PCNT: variants seen among roughly 807,000 people sequenced by gnomAD.
The protein encoded by PCNT is pericentrin.
A neutral mutation model predicts 380.4 loss-of-function variants in PCNT; 319 were observed. The ratio of observed to expected loss-of-function variants is 0.84; its 90% CI spans 0.77 to 0.92. PCNT has a LOEUF of 0.92. Among genes scored for constraint, PCNT ranks in the 40% least tolerant of loss-of-function variants. The probability of loss-of-function intolerance (pLI) is 0.00; values close to 1 mark genes in which losing one functional copy is unlikely to be tolerated. For missense variants in PCNT, 4,400 were observed against 4,255.3 expected, an observed-to-expected ratio of 1.03 and a Z score of -0.95; for synonymous variants, 1,845 against 1,735.2, an observed-to-expected ratio of 1.06 and a Z score of -1.57.
At chr21:46,442,821 T>C (rs2053646596) in intron 44 of PCNT, 1 of 570,746 alleles carries the variant, frequency 1.8e-6, no homozygotes, top group Non-Finnish European at 3.1e-6. Context: ...AGATGCTCAA[T>C]ATATTGATTA....
chr21:46,421,875 GCGGGC>G, intron 31 of PCNT, 90 bp from the exon 32 acceptor site: 1 of 1,376,618 alleles, frequency 7.3e-7, no homozygotes, highest in Non-Finnish European at 1.0e-6. Context: ...GCTGGGGACT[GCGGGC>G]CGATCACCCC....
At chr21:46,415,365 A>ATTTTTTTTT (rs35983555) in intron 29 of PCNT, among the ~76,000 whole-genome samples, 1 of 65,282 alleles carries the variant, frequency 1.5e-5, no homozygotes, top group Non-Finnish European at 2.6e-5. Flanking sequence ...GTTTCTTTGA[A>ATTTTTTTTT]TTTTTTTTTT....
At position 46,411,822 on chromosome 21, in the gene PCNT, C is replaced by T; in HGVS notation, c.5749C>T (p.Pro1917Ser). 1 of 1,575,356 alleles carries T rather than the reference C, an allele frequency of 6.3e-7. No individual in the cohort carries two copies. The highest frequency in any genetic ancestry group is 8.6e-7 in the Non-Finnish European group (1 of 1,165,634). The change falls in exon 28 of 47, where the codon CCC (proline) becomes TCC (serine). Residue 1917 changes from proline (P) to serine (S), a missense_variant. Coordinates refer to ENST00000359568, the MANE Select transcript of PCNT (RefSeq NM_006031.6). Reference sequence around the variant, plus strand: ...GCCCCTGGCAGCCGGGGCGGCGCCTCCCGAGCTGCAGTGGCTCCGAGCGCA... The same window carrying T: ...GCCCCTGGCAGCCGGGGCGGCGCCTTCCGAGCTGCAGTGGCTCCGAGCGCA... ...QQPLAAGAAP[P>S]ELQWLRAQCA...
At chr21:46,402,581 C>A in intron 27 of PCNT, 98 bp downstream of exon 27, 1 of 1,304,422 alleles carries the variant, frequency 7.7e-7, no homozygotes, top group Non-Finnish European at 1.1e-6. Flanking sequence ...AGTCTCTGGT[C>A]TTCACAGACG....
chr21:46,432,044 T>C lies in PCNT; in HGVS notation c.8580T>C (p.Ser2860=), dbSNP rs2087786560. 1 of 1,613,896 alleles carries C rather than the reference T, an allele frequency of 6.2e-7. No individual in the cohort carries two copies. The highest frequency in any genetic ancestry group is 8.5e-7 in the Non-Finnish European group (1 of 1,180,016). ...LHTQKRELRC[S]LEREREKPAW... ...CCCAAAAACGAGAGCTGAGATGCTC[T>C]CTGGAGAGAGAGAGGGAGAAACCAG... The change falls in exon 38 of 47, where the codon TCT becomes TCC. Residue 2860 remains serine, a synonymous_variant. Coordinates refer to ENST00000359568, the MANE Select transcript of PCNT (RefSeq NM_006031.6).
chr21:46,428,103 T>A (rs189958613), intron 34 of PCNT, among the ~76,000 whole-genome samples: 82 of 152,338 alleles, frequency 5.4e-4, no homozygotes, highest in Non-Finnish European at 8.5e-4. Flanking sequence ...GTGCTCTGTG[T>A]GCAGGGCTGG....
chr21:46,381,072 G>A (rs1464153845), intron 15 of PCNT, among the ~76,000 whole-genome samples: 3 of 151,620 alleles, frequency 2.0e-5, no homozygotes, highest in African/African-American at 7.3e-5. Flanking sequence ...AGCTACTCGG[G>A]AGACTGAGGC....
chr21:46,375,817 C>T (rs921691175), intron 15 of PCNT, among the ~76,000 whole-genome samples: 3 of 152,254 alleles, frequency 2.0e-5, no homozygotes, highest in Admixed American at 6.5e-5. Context: ...CCACCTCCTA[C>T]GTCCTCTGCA....
At chr21:46,344,206 T>C (rs893749321) in intron 3 of PCNT, among the ~76,000 whole-genome samples, 2 of 152,056 alleles carry the variant, frequency 1.3e-5, no homozygotes, top group African/African-American at 4.8e-5. Context: ...CCCGAGTAGC[T>C]GGGACTACAG....
intron 15 of PCNT, among the ~76,000 whole-genome samples, chr21:46,371,954 A>G (rs1288448873): frequency 6.7e-6 from 1 of 150,232 alleles, no homozygotes; most frequent in Non-Finnish European, 1.5e-5. Flanking sequence ...ATGTGCGCAC[A>G]AACAGCACAT....
At chr21:46,381,304 A>G (rs75762928) in intron 15 of PCNT, among the ~76,000 whole-genome samples, 5,458 of 151,318 alleles carry the variant, frequency 0.036, 141 homozygotes, top group Middle Eastern at 0.083. Flanking sequence ...AGAAGGTTTA[A>G]TCTTTTAAAA....
chr21:46,344,764 A>T (rs1452705219), intron 3 of PCNT, among the ~76,000 whole-genome samples: 1 of 152,190 alleles, frequency 6.6e-6, no homozygotes, highest in African/African-American at 2.4e-5. Flanking sequence ...TGGGCTCAGG[A>T]TCCGTGCCGA....
intron 21 of PCNT, 40 bp downstream of exon 21, chr21:46,391,416 G>A (rs1431683263): frequency 6.7e-7 from 1 of 1,493,438 alleles, no homozygotes; most frequent in African/African-American, 1.4e-5. Flanking sequence ...CGAGCTGTGG[G>A]GCGCGGATAC....
chr21:46,444,058 A>C, intron 45 of PCNT, 110 bp downstream of exon 45: 1 of 1,212,272 alleles, frequency 8.2e-7, no homozygotes, highest in African/African-American at 1.5e-5. Context: ...GCCCAGGGCA[A>C]GGCAGGAAAC....
At chr21:46,363,447 C>T in intron 13 of PCNT, 33 bp from the exon 14 acceptor site, 1 of 1,563,734 alleles carries the variant, frequency 6.4e-7, no homozygotes, top group Non-Finnish European at 8.8e-7. Context: ...CCATTAGCGT[C>T]TTTCCTCCTA....
chr21:46,439,948 G>T, intron 41 of PCNT, 135 bp from the exon 42 acceptor site: 1 of 995,146 alleles, frequency 1.0e-6, no homozygotes. Flanking sequence ...TGAAGTTGAG[G>T]AGGGGCCAGG....
Position 46,391,106 on chromosome 21 carries a change from G to A in PCNT, c.4004-58G>A, listed in dbSNP as rs1048534751. The A allele has an allele frequency of 3.4e-6, 5 of 1,470,894 alleles. No individual in the cohort carries two copies. The African/African-American group carries it at 7.0e-5, about 21-fold the overall frequency. The allele number at this position is 1,470,894 out of a possible 1,614,324, so 91.1% of individuals were successfully genotyped here. ...TGGCCCCGTCCCTTCCTCCAAGCAG[G>A]CTCTCCTCAGTTACACCCAGGACTG... On this transcript the variant is annotated intron_variant, in intron 20 of 46. Transcript: ENST00000359568.
intron 21 of PCNT, among the ~76,000 whole-genome samples, chr21:46,396,265 C>T (rs2086207203): frequency 6.6e-6 from 1 of 152,314 alleles, no homozygotes; most frequent in East Asian, 1.9e-4. Context: ...CACAGACACA[C>T]GTTTGTGACT....
intron 44 of PCNT, among the ~76,000 whole-genome samples, chr21:46,443,593 C>T (rs916863180): frequency 5.3e-5 from 8 of 152,148 alleles, no homozygotes; most frequent in East Asian, 1.9e-4. Context: ...CGCACTCCCC[C>T]GGAGACGGGC....
Sources: allele counts gnomAD v4.1 joint callset (sites outside exome capture counted in the v4.1 genomes callset), GRCh38; gene constraint gnomAD v4.1.1; transcripts MANE v1.5; gene names NCBI Gene and HGNC (gene_info 2026-07-23, HGNC 2026-07-21).